The following CSDE1 variants were observed in gnomAD, a reference collection of about 807,000 sequenced individuals.
CSDE1 encodes the protein cold shock domain containing E1.
Under a neutral mutation model 89.3 loss-of-function variants are expected in CSDE1, and 17 were observed. That is an observed-to-expected ratio of 0.19 (90% CI 0.13 to 0.29). CSDE1 has a LOEUF of 0.29. Ranked by LOEUF, CSDE1 falls within the 10% of genes least tolerant of loss-of-function variation. CSDE1 has a pLI of 1.00. For missense variants in CSDE1, 672 were observed against 984.2 expected (o/e 0.68, Z 4.24); for synonymous variants, 322 against 332.8 (o/e 0.97, Z 0.35).
At chr1:114,737,343 C>T (rs778527198) in intron 5 of CSDE1, 128 bp downstream of exon 5, 18 of 761,362 alleles carry the variant, frequency 2.4e-5, no homozygotes, top group Non-Finnish European at 3.6e-5. Flanking sequence ...CATTTGAAGC[C>T]TCTTAGAAAC....
chr1:114,752,147 C>T (rs1661341223), intron 1 of CSDE1, among the ~76,000 whole-genome samples: 1 of 152,058 alleles, frequency 6.6e-6, no homozygotes, highest in Non-Finnish European at 1.5e-5. Flanking sequence ...ACGCCTGGAG[C>T]CTCAGCTACT....
chr1:114,737,354 C>T, intron 5 of CSDE1, 117 bp downstream of exon 5: 13 of 871,338 alleles, frequency 1.5e-5, no homozygotes, highest in South Asian at 3.6e-5. Flanking sequence ...TCTTAGAAAC[C>T]AAATTTAAAA....
intron 10 of CSDE1, among the ~76,000 whole-genome samples, chr1:114,731,422 T>C (rs1228851545): frequency 1.3e-5 from 2 of 150,422 alleles, no homozygotes; most frequent in African/African-American, 2.4e-5. Flanking sequence ...ACATTCAGAC[T>C]TACAAACTTT....
At chr1:114,734,725 G>A (rs556969399) in intron 6 of CSDE1, among the ~76,000 whole-genome samples, 68 of 152,204 alleles carry the variant, frequency 4.5e-4, no homozygotes, top group African/African-American at 1.6e-3. Context: ...AGCCTTCTAC[G>A]TTTGGCAAAT....
At chr1:114,719,765 A>G (rs1316886672) in intron 17 of CSDE1, 23 bp from the exon 18 acceptor site, 2 of 1,604,710 alleles carry the variant, frequency 1.2e-6, no homozygotes, top group Non-Finnish European at 1.7e-6. Flanking sequence ...AGTAGGTAAA[A>G]AAGAGAGGGC....
chr1:114,739,373 C>A (rs752493822), intron 3 of CSDE1, among the ~76,000 whole-genome samples: 13 of 152,220 alleles, frequency 8.5e-5, no homozygotes, highest in African/African-American at 3.1e-4. Flanking sequence ...TCAGGTACTA[C>A]CCAAAATAGT....
chr1:114,729,089 A>G (rs1659958688), intron 12 of CSDE1, among the ~76,000 whole-genome samples: 1 of 152,094 alleles, frequency 6.6e-6, no homozygotes, highest in Non-Finnish European at 1.5e-5. Flanking sequence ...TCCTTGAAGT[A>G]CAGAACAAGG....
chr1:114,735,720 T>C (rs1437524276), intron 6 of CSDE1, among the ~76,000 whole-genome samples: 1 of 152,166 alleles, frequency 6.6e-6, no homozygotes, highest in Non-Finnish European at 1.5e-5. Context: ...ACTAGCACTT[T>C]CTCCAACTTT....
At chr1:114,729,372 T>C (rs1659978267) in intron 12 of CSDE1, among the ~76,000 whole-genome samples, 1 of 152,024 alleles carries the variant, frequency 6.6e-6, no homozygotes, top group Non-Finnish European at 1.5e-5. Context: ...GTGCTGGGTT[T>C]ACAGGTGTGA....
chr1:114,738,665 T>G (rs1167167874), intron 3 of CSDE1, among the ~76,000 whole-genome samples: 3 of 119,604 alleles, frequency 2.5e-5, no homozygotes, highest in Non-Finnish European at 5.3e-5. Flanking sequence ...TAAAAACTTT[T>G]TTTTTTTTTT....
At chr1:114,726,678 T>A (rs1570903574) in intron 13 of CSDE1, among the ~76,000 whole-genome samples, 1 of 152,290 alleles carries the variant, frequency 6.6e-6, no homozygotes, top group Non-Finnish European at 1.5e-5. Flanking sequence ...CAACGTAAAA[T>A]CTTTGGTGTG....
chr1:114,732,496 C>T (rs1460281066), intron 10 of CSDE1, 108 bp downstream of exon 10: 21 of 929,566 alleles, frequency 2.3e-5, no homozygotes, highest in Non-Finnish European at 3.5e-5. Flanking sequence ...AGGTAAATGC[C>T]CATTAGGGTC....
intron 1 of CSDE1, among the ~76,000 whole-genome samples, chr1:114,757,664 G>C (rs1312277758): frequency 2.0e-5 from 3 of 151,836 alleles, no homozygotes; most frequent in Non-Finnish European, 4.4e-5. Context: ...CCCCACTTTA[G>C]TCACCACCAC....
chr1:114,731,414 A>T (rs1660091751), intron 10 of CSDE1, among the ~76,000 whole-genome samples: 2 of 152,010 alleles, frequency 1.3e-5, no homozygotes, highest in Admixed American at 6.6e-5. Flanking sequence ...AAAATCACAC[A>T]TTCAGACTTA....
chr1:114,751,911 G>A (rs976619380), intron 1 of CSDE1, among the ~76,000 whole-genome samples: 5 of 151,960 alleles, frequency 3.3e-5, no homozygotes, highest in African/African-American at 9.7e-5. Flanking sequence ...TAATATATCC[G>A]CCAACTTCCA....
rs1443689599 is a variant in CSDE1 at position 114,754,249 on chromosome 1, CCCCAAAGTGCTGGGATTACAGGCGTGAG to C, written c.-388+3648_-388+3675del. On this transcript the variant is annotated intron_variant, in intron 1 of 19. Coordinates refer to ENST00000358528, the MANE Select transcript of CSDE1 (RefSeq NM_001007553.3). Reference sequence around the variant, plus strand: ...CTCAAGTGACCCACCTGCCTCAGCCCCCCAAAGTGCTGGGATTACAGGCGTGAGCCACTGCACCTGGCCACCACCTGTT... The same window carrying C: ...CTCAAGTGACCCACCTGCCTCAGCCCCCACTGCACCTGGCCACCACCTGTT... 3.9e-5 allele frequency among the ~76,000 whole-genome samples: 6 copies of C among 152,160 alleles called. No homozygotes were observed. In the East Asian group the frequency reaches 1.2e-3, roughly 29 times the overall value.
intron 3 of CSDE1, 42 bp downstream of exon 3, chr1:114,739,650 A>AT: frequency 6.5e-7 from 1 of 1,548,494 alleles, no homozygotes; most frequent in Non-Finnish European, 8.9e-7. Context: ...TGCAAGACAA[A>AT]TTTTGTGATT....
At chr1:114,751,555 C>G (rs187641349) in intron 1 of CSDE1, among the ~76,000 whole-genome samples, 4 of 152,158 alleles carry the variant, frequency 2.6e-5, no homozygotes, top group African/African-American at 9.7e-5. Context: ...ATTTTCTATT[C>G]TCTAACATCC....
At chr1:114,752,053 C>T (rs1429341600) in intron 1 of CSDE1, among the ~76,000 whole-genome samples, 1 of 152,026 alleles carries the variant, frequency 6.6e-6, no homozygotes, top group Non-Finnish European at 1.5e-5. Context: ...CTGCTTGAGC[C>T]CAGGAGCTCC....
Sources: allele counts gnomAD v4.1 joint callset (sites outside exome capture counted in the v4.1 genomes callset), GRCh38; gene constraint gnomAD v4.1.1; transcripts MANE v1.5; gene names NCBI Gene and HGNC (gene_info 2026-07-23, HGNC 2026-07-21).